The following RABGEF1 variants were observed in gnomAD, a reference collection of about 807,000 sequenced individuals.
The protein encoded by RABGEF1 is rab5 GDP/GTP exchange factor.
In RABGEF1, 26 loss-of-function variants were observed where a neutral mutation model predicts 57.3. The ratio of observed to expected loss-of-function variants is 0.45; its 90% CI spans 0.33 to 0.63. The LOEUF is 0.63. Ranked by LOEUF, RABGEF1 falls within the 20% of genes least tolerant of loss-of-function variation. The pLI, the probability that RABGEF1 is intolerant of heterozygous loss-of-function variation, is 0.02. For synonymous variants in RABGEF1, 185 were observed against 210.7 expected (o/e 0.88, Z 1.06); for missense variants, 464 against 607.6 (o/e 0.76, Z 2.48).
intron 5 of RABGEF1, among the ~76,000 whole-genome samples, chr7:66,795,936 C>T (rs1044796230): frequency 6.6e-6 from 1 of 152,076 alleles, no homozygotes; most frequent in Non-Finnish European, 1.5e-5. Context: ...GCCAGGAGTT[C>T]GAGACCAGCC....
intron 4 of RABGEF1, among the ~76,000 whole-genome samples, chr7:66,787,794 G>A (rs190429247): frequency 1.2e-3 from 181 of 152,230 alleles, no homozygotes; most frequent in African/African-American, 4.3e-3. Context: ...CAATTTTAAG[G>A]CACTGTATAG....
chr7:66,700,142 CCCAG>C (rs1255634856), intron 1 of RABGEF1, among the ~76,000 whole-genome samples: 1 of 152,168 alleles, frequency 6.6e-6, no homozygotes, highest in Non-Finnish European at 1.5e-5. Context: ...GGGACGGAGG[CCCAG>C]CCAGACCCTG....
At chr7:66,801,992 C>T (rs953591674) in intron 7 of RABGEF1, among the ~76,000 whole-genome samples, 5 of 152,212 alleles carry the variant, frequency 3.3e-5, no homozygotes, top group African/African-American at 1.2e-4. Flanking sequence ...TCACTGCAGC[C>T]TTGACCTCAC....
chr7:66,688,085 C>CAAAAAAAAAAAAAAAAAAAAA, intron 1 of RABGEF1, among the ~76,000 whole-genome samples: 1 of 109,168 alleles, frequency 9.2e-6, no homozygotes. Context: ...AACTCTGTGT[C>CAAAAAAAAAAAAAAAAAAAAA]AAAAAAAAAA....
intron 1 of RABGEF1, among the ~76,000 whole-genome samples, chr7:66,759,389 C>T (rs1366956593): frequency 2.6e-5 from 4 of 152,170 alleles, no homozygotes; most frequent in African/African-American, 7.2e-5. Context: ...CTTCCCCAGC[C>T]GTAAACTCTA....
At chr7:66,794,356 A>G (rs372031131) in intron 4 of RABGEF1, among the ~76,000 whole-genome samples, 2 of 147,446 alleles carry the variant, frequency 1.4e-5, no homozygotes, top group Non-Finnish European at 3.0e-5. Context: ...GGGTCTCACT[A>G]TGTTGCCCAG....
chr7:66,725,122 G>A (rs541197091), intron 2 of RABGEF1, among the ~76,000 whole-genome samples: 3 of 152,054 alleles, frequency 2.0e-5, no homozygotes, highest in Middle Eastern at 3.4e-3. Context: ...GGTCTGTTTC[G>A]ATTATTATTT....
intron 8 of RABGEF1, among the ~76,000 whole-genome samples, chr7:66,805,781 A>G (rs117268066): frequency 0.015 from 2,235 of 152,170 alleles, 62 homozygotes; most frequent in East Asian, 0.095. Context: ...GTCTCACTCT[A>G]TCACCCAGGC....
At chr7:66,773,079 G>GTT (rs1241121812) in intron 2 of RABGEF1, among the ~76,000 whole-genome samples, 2 of 106,910 alleles carry the variant, frequency 1.9e-5, no homozygotes, top group Admixed American at 9.2e-5. Context: ...CTAGCTAGTT[G>GTT]TTTGTTTTTT....
the RABGEF1 span, among the ~76,000 whole-genome samples, chr7:66,664,993 C>T: frequency 4.6e-5 from 7 of 152,366 alleles, no homozygotes; most frequent in Admixed American, 2.6e-4. Context: ...AGGGTTCCTG[C>T]GCTCATGAGC....
chr7:66,776,265 C>T (rs541155181), intron 3 of RABGEF1, among the ~76,000 whole-genome samples: 8 of 152,210 alleles, frequency 5.3e-5, no homozygotes, highest in East Asian at 1.9e-4. Context: ...CCCTGAAGGC[C>T]GGGGAATGAA....
intron 1 of RABGEF1, 84 bp from the exon 2 acceptor site, chr7:66,771,799 T>G: frequency 3.0e-6 from 3 of 989,164 alleles, no homozygotes; most frequent in African/African-American, 3.4e-5. Context: ...GATAATGGAA[T>G]CACTCACTTT....
chr7:66,679,556 T>C (rs1157933164), upstream of RABGEF1, among the ~76,000 whole-genome samples: 1 of 152,142 alleles, frequency 6.6e-6, no homozygotes, highest in Non-Finnish European at 1.5e-5. Context: ...TGACCTCAGG[T>C]GATCAGCCCG....
upstream of RABGEF1, among the ~76,000 whole-genome samples, chr7:66,739,003 T>C (rs1341188889): frequency 1.3e-5 from 2 of 152,056 alleles, no homozygotes; most frequent in African/African-American, 4.8e-5. Context: ...CAAGCTGGAG[T>C]GCAATGGCGC....
At chr7:66,765,155 A>G (rs1351765882) in intron 1 of RABGEF1, among the ~76,000 whole-genome samples, 1 of 151,502 alleles carries the variant, frequency 6.6e-6, no homozygotes, top group African/African-American at 2.4e-5. Flanking sequence ...AAGGTGGAGA[A>G]TGATAGGAGC....
rs2129201417 is a variant in RABGEF1 at position 66,809,779 on chromosome 7, G to A, written c.*495G>A. ...GTCTGCTGTGCATGGCATTTTATAT[G>A]TTAATTTTTTAGTTTAAAATGAAGT... On this transcript the variant is annotated 3_prime_UTR_variant, in exon 9 of 9. Transcript: ENST00000284957. The A allele has an allele frequency of 6.5e-6, 1 of 152,770 alleles. No homozygotes were observed. The highest frequency in any genetic ancestry group is 2.4e-5 in the African/African-American group (1 of 41,556). The allele number at this position is 152,770 out of a possible 1,614,324, so 9.5% of individuals were successfully genotyped here.
At chr7:66,712,929 C>T (rs1794937883) in intron 2 of RABGEF1, among the ~76,000 whole-genome samples, 1 of 151,992 alleles carries the variant, frequency 6.6e-6, no homozygotes, top group Admixed American at 6.6e-5. Flanking sequence ...ATCCTCCCAC[C>T]TCAGCCTCCC....
At chr7:66,719,396 G>C (rs1175236758) in intron 2 of RABGEF1, among the ~76,000 whole-genome samples, 2 of 152,032 alleles carry the variant, frequency 1.3e-5, no homozygotes, top group African/African-American at 4.8e-5. Context: ...GTAGAGATGG[G>C]GTCTTGCTAT....
At chr7:66,781,267 C>A (rs1746581035) in intron 3 of RABGEF1, among the ~76,000 whole-genome samples, 1 of 151,578 alleles carries the variant, frequency 6.6e-6, no homozygotes, top group Non-Finnish European at 1.5e-5. Flanking sequence ...TATTATATCA[C>A]TTTATAGAAA....
Sources: gnomAD v4.1 joint callset for allele counts (sites outside exome capture counted in the v4.1 genomes callset) on GRCh38, gnomAD v4.1.1 for gene constraint, MANE v1.5 for transcripts, NCBI Gene and HGNC (gene_info 2026-07-23, HGNC 2026-07-21) for gene names.